TFF1: variants seen among roughly 807,000 people sequenced by gnomAD.
TFF1 encodes trefoil factor 1.
Under a neutral mutation model 7.7 loss-of-function variants are expected in TFF1, and 8 were observed. The observed-to-expected ratio is 1.04, with a 90% CI of 0.61 to 1.87. TFF1 has a LOEUF of 1.87. Among genes scored for constraint, TFF1 ranks in the 40% most tolerant of loss-of-function variants. TFF1 has a pLI of 0.00. For synonymous variants in TFF1, 47 were observed against 44.8 expected (o/e 1.05, Z -0.19); for missense variants, 120 against 113.4 (o/e 1.06, Z -0.26).
At chr21:42,364,905 T>G (rs918404220) in intron 1 of TFF1, among the ~76,000 whole-genome samples, 1 of 152,060 alleles carries the variant, frequency 6.6e-6, no homozygotes, top group Non-Finnish European at 1.5e-5. Context: ...GTGAAGGTGA[T>G]CATCGCCCAC....
intron 1 of TFF1, among the ~76,000 whole-genome samples, chr21:42,364,498 G>A (rs1360016821): frequency 6.6e-6 from 1 of 152,226 alleles, no homozygotes; most frequent in East Asian, 1.9e-4. Context: ...GGGCTGGCTG[G>A]GGGCTGCCGC....
intron 1 of TFF1, among the ~76,000 whole-genome samples, chr21:42,363,632 C>T (rs1018246449): frequency 6.6e-6 from 1 of 152,204 alleles, no homozygotes; most frequent in Non-Finnish European, 1.5e-5. Context: ...GACTTTGCAT[C>T]TTTCTAGGTA....
Position 42,362,720 on chromosome 21 carries a change from C to A in TFF1, c.239-225G>T, listed in dbSNP as rs536700889. On this transcript the variant is annotated intron_variant, in intron 2 of 2. Transcript: ENST00000291527. ...GTCAAGAGTTCAAGACCGGTCTGGC[C>A]AACATGGTGAAACCCCGTCTATACT... Among the ~76,000 whole-genome samples the A allele has an allele frequency of 2.3e-4, 35 of 152,058 alleles. 1 individual carries two copies. The highest frequency in any genetic ancestry group is 1.8e-3 in the Admixed American group (28 of 15,276).
chr21:42,366,419 G>T lies in TFF1; in HGVS notation c.77C>A (p.Ala26Asp), dbSNP rs781034466. Reference sequence around the variant, plus strand: ...GAAGAAGCACGCCTTACCTGTCTGGGCCTCGGCCAGGGTGCCGAGGGCCAG... The same window carrying T: ...GAAGAAGCACGCCTTACCTGTCTGGTCCTCGGCCAGGGTGCCGAGGGCCAG... ...SMLALGTLAE[A>D]QTETCTVAPR... Residue 26 changes from alanine (A) to aspartate (D), a missense_variant, in exon 1 of 3, where the codon GCC becomes GAC. Coordinates refer to ENST00000291527, the MANE Select transcript of TFF1 (RefSeq NM_003225.3). 1.2e-6 allele frequency: 2 copies of T among 1,610,832 alleles called. No homozygotes were observed. Among genetic ancestry groups the T allele is most frequent in the Non-Finnish European group, 1.7e-6 (2 of 1,177,712 alleles).
In TFF1 at chr21:42,362,513, A is replaced by G; in HGVS notation, c.239-18T>C. ...ACACTCCTCTACAGGGGTGAGGGGG[A>G]GGGAGAAAGAGATGCTTTAGTGAGG... On this transcript the variant is annotated intron_variant, in intron 2 of 2. Coordinates refer to ENST00000291527, the MANE Select transcript of TFF1 (RefSeq NM_003225.3). 20 of 1,571,042 alleles carry G rather than the reference A, an allele frequency of 1.3e-5. No homozygotes were observed. Among genetic ancestry groups the G allele is most frequent in the East Asian group, 2.3e-5 (1 of 42,578 alleles).
intron 1 of TFF1, 76 bp downstream of exon 1, chr21:42,366,335 A>G: frequency 1.7e-6 from 2 of 1,165,242 alleles, no homozygotes; most frequent in Non-Finnish European, 2.5e-6. Context: ...AAAAATATGT[A>G]TGTAAAACAG....
Position 42,363,192 on chromosome 21 carries a change from GTCTTAAATGAC to G in TFF1, c.238+52_238+62del, listed in dbSNP as rs2052253123. ...GGTGATGCTGATCAGAGCCTCTGTA[GTCTTAAATGAC>G]TTTTCTAACTAATTCTAAATCTTCA... is the stretch of plus-strand genomic sequence containing the variant. On this transcript the variant is annotated intron_variant, in intron 2 of 2. Transcript: ENST00000291527. The G allele has an allele frequency of 1.5e-5, 24 of 1,606,062 alleles. No individual in the cohort carries two copies. The South Asian group carries it at 2.7e-4, about 18-fold the overall frequency.
At position 42,362,428 on chromosome 21, in the gene TFF1, G is replaced by A. The variant is rs111914765; in HGVS notation, c.*51C>T. ...CAGCCGAGCTCTGGGACTAATCACC[G>A]TGCTGGGGACGGCACCGCGTCAGGA... is the stretch of plus-strand genomic sequence containing the variant. On this transcript the variant is annotated 3_prime_UTR_variant, in exon 3 of 3. Coordinates refer to ENST00000291527, the MANE Select transcript of TFF1 (RefSeq NM_003225.3). 963 of 1,559,298 alleles carry A rather than the reference G, an allele frequency of 6.2e-4. 7 individuals are homozygous for A. The African/African-American group carries it at 0.012, about 19-fold the overall frequency.
intron 1 of TFF1, among the ~76,000 whole-genome samples, chr21:42,364,260 A>T (rs958887474): frequency 1.3e-5 from 2 of 152,146 alleles, no homozygotes; most frequent in African/African-American, 4.8e-5. Flanking sequence ...TGAACAAAGC[A>T]GGGGGGCTCC....
intron 1 of TFF1, among the ~76,000 whole-genome samples, chr21:42,363,831 G>A (rs372853185): frequency 1.1e-4 from 16 of 152,106 alleles, no homozygotes; most frequent in African/African-American, 3.9e-4. Context: ...TAAATATCTG[G>A]GCCCAGGCTC....
chr21:42,363,842 A>G (rs1006848176), intron 1 of TFF1, among the ~76,000 whole-genome samples: 3 of 152,220 alleles, frequency 2.0e-5, no homozygotes, highest in Non-Finnish European at 4.4e-5. Context: ...GCCCAGGCTC[A>G]TGCCTGTAAT....
Position 42,363,191 on chromosome 21 carries a change from A to C in TFF1, c.238+64T>G, listed in dbSNP as rs2052253051. The C allele has an allele frequency of 2.5e-6, 4 of 1,603,038 alleles. No homozygotes were observed. The South Asian group carries it at 3.3e-5, about 13-fold the overall frequency. ...TGGTGATGCTGATCAGAGCCTCTGT[A>C]GTCTTAAATGACTTTTCTAACTAAT... On this transcript the variant is annotated intron_variant, in intron 2 of 2. Coordinates refer to ENST00000291527, the MANE Select transcript of TFF1 (RefSeq NM_003225.3).
intron 1 of TFF1, among the ~76,000 whole-genome samples, chr21:42,364,735 G>C (rs1016339851): frequency 6.6e-6 from 1 of 152,202 alleles, no homozygotes; most frequent in Non-Finnish European, 1.5e-5. Context: ...AGGGGAGGCC[G>C]AGAGGGGCTG....
chr21:42,362,555 A>T, intron 2 of TFF1, 60 bp from the exon 3 acceptor site: 1 of 1,507,862 alleles, frequency 6.6e-7, no homozygotes, highest in Non-Finnish European at 8.9e-7. Context: ...ATTTTCTTTC[A>T]CATTTAAACA....
chr21:42,363,356 A>G lies in TFF1; in HGVS notation c.137T>C (p.Val46Ala). 1.2e-6 allele frequency: 2 copies of G among 1,614,188 alleles called. No homozygotes were observed. The highest frequency in any genetic ancestry group is 1.7e-6 in the Non-Finnish European group (2 of 1,180,040). Residue 46 changes from valine (V) to alanine (A), a missense_variant, in exon 2 of 3, where the codon GTC becomes GCC. Physicochemically the swap from Val to Ala is moderately conservative, Grantham distance 64. Coordinates refer to ENST00000291527, the MANE Select transcript of TFF1 (RefSeq NM_003225.3). ...RERQNCGFPG[V>A]TPSQCANKGC... ...CTTATTTGCACACTGGGAGGGCGTGACACCAGGAAAACCACAATTCTGTCT... is the reference window on the plus strand; with the variant it reads ...CTTATTTGCACACTGGGAGGGCGTGGCACCAGGAAAACCACAATTCTGTCT...
Position 42,363,395 on chromosome 21 carries a change from A to T in TFF1, c.98T>A (p.Val33Glu). The T allele has an allele frequency of 1.2e-6, 2 of 1,614,052 alleles. No individual in the cohort carries two copies. The highest frequency in any genetic ancestry group is 1.7e-6 in the Non-Finnish European group (2 of 1,179,988). Residue 33 changes from valine (V) to glutamate (E), a missense_variant, in exon 2 of 3, where the codon GTG becomes GAG. Physicochemically the swap from Val to Glu is moderately radical, Grantham distance 121 (BLOSUM62 -2). Coordinates refer to ENST00000291527, the MANE Select transcript of TFF1 (RefSeq NM_003225.3). Reference protein sequence around the residue: ...LAEAQTETCTVAPRERQNCGF... With the variant: ...LAEAQTETCTEAPRERQNCGF... The stretch of plus-strand genomic sequence containing the variant: ...ACAATTCTGTCTTTCACGGGGGGCC[A>T]CTGTACACGTCTCTGAAAGTGCACA...
rs2052243727 is a variant in TFF1, at chr21:42,362,341, A to C, written c.*138T>G. 3.2e-6 allele frequency: 3 copies of C among 924,702 alleles called. No individual in the cohort carries two copies. In the South Asian group the frequency reaches 4.9e-5, roughly 15 times the overall value. The allele number at this position is 924,702 out of a possible 1,614,324, so 57.3% of individuals were successfully genotyped here. A position where few individuals can be genotyped will look rare whatever the true frequency, so the allele number is the denominator to read the frequency against. Reference sequence around the variant, plus strand: ...TTGAGTAGTCAAAGTCAGAGCAGTCAATCTGTGTTGTGAGCCGAGGCACAG... The same window carrying C: ...TTGAGTAGTCAAAGTCAGAGCAGTCCATCTGTGTTGTGAGCCGAGGCACAG... On this transcript the variant is annotated 3_prime_UTR_variant, in exon 3 of 3. Transcript: ENST00000291527.
chr21:42,363,290 C>T lies in TFF1; in HGVS notation c.203G>A (p.Cys68Tyr). The T allele has an allele frequency of 3.7e-6, 6 of 1,614,198 alleles. No individual in the cohort carries two copies. The highest frequency in any genetic ancestry group is 5.1e-6 in the Non-Finnish European group (6 of 1,180,050). Residue 68 changes from cysteine to tyrosine, a missense_variant, in exon 2 of 3, where the codon TGC (cysteine) becomes TAC (tyrosine). By Grantham distance (194) the Cys-to-Tyr change is radical (BLOSUM62 -2). Coordinates refer to ENST00000291527, the MANE Select transcript of TFF1 (RefSeq NM_003225.3). Reference sequence around the variant, plus strand: ...GACGTCGATGGTATTAGGATAGAAGCACCAGGGGACCCCACGAACGGTGTC... The same window carrying T: ...GACGTCGATGGTATTAGGATAGAAGTACCAGGGGACCCCACGAACGGTGTC... Reference protein sequence around the residue: ...FDDTVRGVPWCFYPNTIDVPP... With the variant: ...FDDTVRGVPWYFYPNTIDVPP...
chr21:42,366,506 C>T lies in TFF1; in HGVS notation c.-11G>A, dbSNP rs772216857. Reference sequence around the variant, plus strand: ...CTCCATGGTGGCCATTGCCTCCTCTCTGCTCCAAAGGCGACCCCGAGTCAG... The same window carrying T: ...CTCCATGGTGGCCATTGCCTCCTCTTTGCTCCAAAGGCGACCCCGAGTCAG... On this transcript the variant is annotated 5_prime_UTR_variant, in exon 1 of 3. Transcript: ENST00000291527. 6.2e-7 allele frequency: 1 copy of T among 1,607,664 alleles called. No homozygotes were observed. Among genetic ancestry groups the T allele is most frequent in the Non-Finnish European group, 8.5e-7 (1 of 1,175,498 alleles).
Sources: gnomAD v4.1 joint callset for allele counts (sites outside exome capture counted in the v4.1 genomes callset) on GRCh38, gnomAD v4.1.1 for gene constraint, MANE v1.5 for transcripts, NCBI Gene and HGNC (gene_info 2026-07-23, HGNC 2026-07-21) for gene names.